The following PTPRK variants were observed in gnomAD, a reference collection of about 807,000 sequenced individuals.
PTPRK encodes receptor-type tyrosine-protein phosphatase kappa.
A neutral mutation model predicts 178.0 loss-of-function variants in PTPRK; 75 were observed. The observed-to-expected ratio is 0.42, with a 90% CI of 0.35 to 0.51. PTPRK has a LOEUF of 0.51. Among genes scored for constraint, PTPRK ranks in the 20% least tolerant of loss-of-function variants. The pLI, the probability that PTPRK is intolerant of heterozygous loss-of-function variation, is 0.02. For synonymous variants in PTPRK, 637 were observed against 620.6 expected, an observed-to-expected ratio of 1.03 and a Z score of -0.39; for missense variants, 1,441 against 1,797.8, an observed-to-expected ratio of 0.80 and a Z score of 3.59.
rs1171904258 is a variant in PTPRK, at chr6:128,005,101, T to C, written c.2477A>G (p.His826Arg). 6.8e-6 allele frequency: 11 copies of C among 1,608,968 alleles called. No homozygotes were observed. The Admixed American group carries it at 1.5e-4, about 22-fold the overall frequency. ...DPLSITFMDQ[H>R]NFSPRYENHS... ...AAACTTACATCTTGGACTAAAGTTA[T>C]GTTGGTCCATGAAGGTGATGGAAAG... The change falls in exon 15 of 30, where the codon CAT becomes CGT. Residue 826 changes from histidine (H) to arginine (R), a missense_variant. Around this residue, in one of 4 missense-constraint regions of PTPRK, gnomAD observed 945 missense variants for 1,080.6 expected, o/e 0.87. Transcript: ENST00000368226.
At chr6:128,269,018 A>G (rs1298258014) in intron 3 of PTPRK, among the ~76,000 whole-genome samples, 1 of 152,048 alleles carries the variant, frequency 6.6e-6, no homozygotes, top group Non-Finnish European at 1.5e-5. Flanking sequence ...AATAATTATT[A>G]GTCTTATCAT....
intron 3 of PTPRK, among the ~76,000 whole-genome samples, chr6:128,300,849 T>G (rs1486090811): frequency 6.6e-6 from 1 of 152,010 alleles, no homozygotes; most frequent in African/African-American, 2.4e-5. Context: ...ACCCTAAAAC[T>G]TAAAGTATAA....
chr6:127,970,317 A>T, intron 29 of PTPRK, 37 bp from the exon 30 acceptor site: 1 of 1,552,372 alleles, frequency 6.4e-7, no homozygotes, highest in Non-Finnish European at 8.9e-7. Context: ...GAGAAAACTT[A>T]AGAAAGAGAC....
chr6:128,351,736 T>C (rs1000152250), intron 2 of PTPRK, among the ~76,000 whole-genome samples: 2 of 152,074 alleles, frequency 1.3e-5, no homozygotes, highest in Non-Finnish European at 2.9e-5. Flanking sequence ...AAGCTAAATA[T>C]CATAGTCAAA....
intron 5 of PTPRK, among the ~76,000 whole-genome samples, chr6:128,227,229 G>C (rs1299280926): frequency 6.6e-6 from 1 of 152,166 alleles, no homozygotes; most frequent in Non-Finnish European, 1.5e-5. Context: ...TGTAGAAAGT[G>C]GAAACGTGAT....
intron 4 of PTPRK, among the ~76,000 whole-genome samples, chr6:128,240,958 T>C (rs1562853590): frequency 6.6e-6 from 1 of 152,222 alleles, no homozygotes; most frequent in Non-Finnish European, 1.5e-5. Flanking sequence ...TGGAGGGCCG[T>C]ATCACCCTAA....
At chr6:128,338,359 T>C (rs941018405) in intron 2 of PTPRK, among the ~76,000 whole-genome samples, 3 of 152,114 alleles carry the variant, frequency 2.0e-5, no homozygotes, top group Admixed American at 1.3e-4. Flanking sequence ...AAGAGACAGG[T>C]ATCCAGAATA....
chr6:128,314,440 G>A (rs970259251), intron 3 of PTPRK, among the ~76,000 whole-genome samples: 42 of 152,178 alleles, frequency 2.8e-4, no homozygotes, highest in Non-Finnish European at 5.9e-5. Flanking sequence ...CAGTCCTTCA[G>A]AGAGAAAGTG....
intron 2 of PTPRK, among the ~76,000 whole-genome samples, chr6:128,337,713 A>T (rs7774819): frequency 0.97 from 147,875 of 152,282 alleles, 71,939 homozygotes; most frequent in East Asian, 1. Flanking sequence ...AATCAAAGCA[A>T]CAACAAAATG....
chr6:128,162,298 T>C (rs1798817249), intron 7 of PTPRK, among the ~76,000 whole-genome samples: 1 of 151,694 alleles, frequency 6.6e-6, no homozygotes, highest in South Asian at 2.1e-4. Flanking sequence ...CTTACATTTT[T>C]TAAAATCTAA....
At position 128,093,596 on chromosome 6, in the gene PTPRK, C is replaced by CAAAA. The variant is rs1172145765; in HGVS notation, c.1163-3608_1163-3605dup. 9.6e-4 allele frequency among the ~76,000 whole-genome samples: 6 copies of CAAAA among 6,270 alleles called. 2 individuals carry two copies. In the East Asian group the frequency reaches 0.017, roughly 18 times the overall value. The allele number at this position is 6,270 out of a possible 152,430, so 4.1% of individuals were successfully genotyped here. ...GGTGACAGAGCAAGAGACTCTCTCTCAAAAAAAAAAAAAAAAAAAAAAAAA... is the reference window on the plus strand; with the variant it reads ...GGTGACAGAGCAAGAGACTCTCTCTCAAAAAAAAAAAAAAAAAAAAAAAAAAAAA... On this transcript the variant is annotated intron_variant, in intron 7 of 29. Coordinates refer to ENST00000368226, the MANE Select transcript of PTPRK (RefSeq NM_002844.4).
intron 2 of PTPRK, among the ~76,000 whole-genome samples, chr6:128,330,775 T>C (rs1830158766): frequency 6.6e-6 from 1 of 152,102 alleles, no homozygotes; most frequent in Non-Finnish European, 1.5e-5. Context: ...GGTGCCTGCC[T>C]TCCTCTCCAA....
At chr6:128,343,054 A>T (rs1183658202) in intron 2 of PTPRK, among the ~76,000 whole-genome samples, 2 of 152,230 alleles carry the variant, frequency 1.3e-5, no homozygotes, top group East Asian at 3.8e-4. Context: ...CAGCTACCAA[A>T]AACTGTATTA....
intron 2 of PTPRK, among the ~76,000 whole-genome samples, chr6:128,350,458 G>A (rs1562333623): frequency 6.6e-6 from 1 of 152,068 alleles, no homozygotes; most frequent in Non-Finnish European, 1.5e-5. Context: ...AAAACAGAAG[G>A]TAGAGGCAGT....
intron 2 of PTPRK, among the ~76,000 whole-genome samples, chr6:128,333,217 A>G (rs1830494889): frequency 6.6e-6 from 1 of 152,182 alleles, no homozygotes; most frequent in Admixed American, 6.6e-5. Context: ...CCTGAAGACT[A>G]AAAATCATGC....
At chr6:128,363,250 C>T (rs897207833) in intron 2 of PTPRK, among the ~76,000 whole-genome samples, 1 of 152,042 alleles carries the variant, frequency 6.6e-6, no homozygotes, top group Admixed American at 6.6e-5. Flanking sequence ...AATAAGGCTT[C>T]GGAACACCCA....
chr6:128,049,844 A>G (rs994334188), intron 13 of PTPRK, among the ~76,000 whole-genome samples: 1 of 152,182 alleles, frequency 6.6e-6, no homozygotes, highest in Non-Finnish European at 1.5e-5. Context: ...TAAATTACAT[A>G]TACAAAGATA....
rs115271737 is a variant in PTPRK, at chr6:128,503,973, G to A, written c.100+16286C>T. 5.2e-3 allele frequency among the ~76,000 whole-genome samples: 785 copies of A among 151,804 alleles called. 6 individuals carry two copies. The highest frequency in any genetic ancestry group is 0.018 in the African/African-American group (742 of 41,366). ...GGAAATGCACAAATCAATGGTTCCC[G>A]CCCCAATAAGGTGTTGCCAACAAGA... is the stretch of plus-strand genomic sequence containing the variant. On this transcript the variant is annotated intron_variant, in intron 1 of 29. Transcript: ENST00000368226.
chr6:128,212,763 A>G (rs1240081126), intron 6 of PTPRK, among the ~76,000 whole-genome samples: 1 of 152,072 alleles, frequency 6.6e-6, no homozygotes, highest in Non-Finnish European at 1.5e-5. Flanking sequence ...CAAATTGCCT[A>G]GGAAAATAAA....
Sources: gnomAD v4.1 joint callset for allele counts (sites outside exome capture counted in the v4.1 genomes callset) on GRCh38, gnomAD v4.1.1 for gene constraint, gnomAD v4.1.1 regional missense constraint, MANE v1.5 for transcripts, NCBI Gene and HGNC (gene_info 2026-07-23, HGNC 2026-07-21) for gene names.